POLI: variants seen among roughly 807,000 people sequenced by gnomAD.
The protein encoded by POLI is DNA polymerase iota.
In POLI, 58 loss-of-function variants were observed where a neutral mutation model predicts 51.6. The observed-to-expected ratio is 1.12, with a 90% CI of 0.91 to 1.40. POLI has a LOEUF of 1.40. Among genes scored for constraint, POLI ranks in the 40% most tolerant of loss-of-function variants. The probability of loss-of-function intolerance (pLI) is 0.00; values close to 1 mark genes in which losing one functional copy is unlikely to be tolerated. For synonymous variants in POLI, 322 were observed against 299.7 expected (o/e 1.07, Z -0.77); for missense variants, 921 against 871.3 (o/e 1.06, Z -0.72).
At chr18:54,283,763 T>TA in intron 6 of POLI, 159 bp from the exon 7 acceptor site, 1 of 450,538 alleles carries the variant, frequency 2.2e-6, no homozygotes. Flanking sequence ...AGCTTGCAGA[T>TA]AAAAAACTGT....
At chr18:54,306,641 A>C (rs1364167467) in intron 3 of POLI, among the ~76,000 whole-genome samples, 1 of 152,146 alleles carries the variant, frequency 6.6e-6, no homozygotes, top group African/African-American at 2.4e-5. Flanking sequence ...ATAGTTTCTG[A>C]AGGAATGGTA....
At chr18:54,283,395 A>G (rs1407147396) in intron 6 of POLI, among the ~76,000 whole-genome samples, 1 of 152,182 alleles carries the variant, frequency 6.6e-6, no homozygotes, top group Non-Finnish European at 1.5e-5. Flanking sequence ...CTATGGGACA[A>G]GCACTTTACT....
At chr18:54,313,251 A>G (rs1273178088) in intron 3 of POLI, among the ~76,000 whole-genome samples, 1 of 152,152 alleles carries the variant, frequency 6.6e-6, no homozygotes, top group African/African-American at 2.4e-5. Context: ...CAAAGATCAG[A>G]TGGTTGTAGG....
intron 7 of POLI, among the ~76,000 whole-genome samples, chr18:54,286,064 A>G (rs964811630): frequency 9.9e-5 from 15 of 151,846 alleles, no homozygotes; most frequent in African/African-American, 2.7e-4. Flanking sequence ...AGGTCTTGCT[A>G]TGTTGCCCAG....
At chr18:54,271,553 A>G (rs2087003280) in intron 2 of POLI, 68 bp downstream of exon 2, 1 of 1,062,556 alleles carries the variant, frequency 9.4e-7, no homozygotes. Flanking sequence ...TGCTCATTAT[A>G]TACTGATTTA....
At chr18:54,289,198 G>T (rs1205235724) in intron 8 of POLI, among the ~76,000 whole-genome samples, 16 of 132,696 alleles carry the variant, frequency 1.2e-4, no homozygotes, top group East Asian at 2.1e-4. Context: ...CTGCTCAAGT[G>T]TTTTTTTTTT....
In POLI at chr18:54,282,879, T is replaced by G; in HGVS notation, c.839T>G (p.Ile280Ser). 6.3e-7 allele frequency: 1 copy of G among 1,578,030 alleles called. No homozygotes were observed. The highest frequency in any genetic ancestry group is 8.6e-7 in the Non-Finnish European group (1 of 1,160,006). ...GCCAAATGTCTTGAAGCACTGGGTATCAATAGTGTGCGTGATCTCCAAACC... is the reference window on the plus strand; with the variant it reads ...GCCAAATGTCTTGAAGCACTGGGTAGCAATAGTGTGCGTGATCTCCAAACC... ...KTAKCLEALG[I>S]NSVRDLQTFS... Residue 280 changes from isoleucine (I) to serine (S), a missense_variant, in exon 6 of 10, where the codon ATC (isoleucine) becomes AGC (serine). Coordinates refer to ENST00000579534, the MANE Select transcript of POLI (RefSeq NM_007195.3).
Position 54,296,394 on chromosome 18 carries a change from A to C in POLI, c.*1927A>C. 1.0e-6 allele frequency: 1 copy of C among 982,330 alleles called. No homozygotes were observed. Among genetic ancestry groups the C allele is most frequent in the Non-Finnish European group, 1.2e-6 (1 of 827,122 alleles). 60.9% of individuals were successfully genotyped at this position (982,330 alleles called of 1,614,324 possible). On this transcript the variant is annotated 3_prime_UTR_variant, in exon 10 of 10. Transcript: ENST00000579534. ...CTCAACATCTTTGGGCCTCAGAATC[A>C]ACTTTTTTATGGGATCTTTTTTCTC...
chr18:54,270,046 C>T, intron 1 of POLI: 1 of 1,002,508 alleles, frequency 1.0e-6, no homozygotes. Context: ...GGACCCGGAT[C>T]TCAGTCCTGG....
At chr18:54,310,377 T>A (rs919902462) in intron 3 of POLI, among the ~76,000 whole-genome samples, 5 of 152,226 alleles carry the variant, frequency 3.3e-5, no homozygotes, top group Non-Finnish European at 7.3e-5. Context: ...CAAACTTAGA[T>A]TTAATCATTT....
At chr18:54,276,980 C>G (rs551874290) in intron 3 of POLI, among the ~76,000 whole-genome samples, 49 of 152,074 alleles carry the variant, frequency 3.2e-4, no homozygotes, top group Non-Finnish European at 6.6e-4. Context: ...AAAACTTTCT[C>G]AATGATTTTA....
downstream of POLI, among the ~76,000 whole-genome samples, chr18:54,299,878 A>G (rs756843621): frequency 6.6e-6 from 1 of 152,226 alleles, no homozygotes; most frequent in Non-Finnish European, 1.5e-5. Flanking sequence ...AAAAAGACAT[A>G]CTATTGCAGA....
chr18:54,270,105 ACGTCT>A, intron 1 of POLI: 1 of 908,612 alleles, frequency 1.1e-6, no homozygotes. Context: ...CGCTGTGGTC[ACGTCT>A]CCGGTGACCC....
intron 3 of POLI, among the ~76,000 whole-genome samples, chr18:54,319,953 G>A (rs2088773953): frequency 6.6e-6 from 1 of 151,990 alleles, no homozygotes; most frequent in Admixed American, 6.6e-5. Flanking sequence ...TGTGTAATTT[G>A]GTGATTTGTA....
At chr18:54,299,117 A>G (rs2088445370), downstream of POLI, among the ~76,000 whole-genome samples, 1 of 152,196 alleles carries the variant, frequency 6.6e-6, no homozygotes, top group Non-Finnish European at 1.5e-5. Flanking sequence ...ACAGTTGGGC[A>G]AAGTAGTGTA....
downstream of POLI, among the ~76,000 whole-genome samples, chr18:54,299,497 C>T (rs2088453898): frequency 6.6e-6 from 1 of 152,134 alleles, no homozygotes. Flanking sequence ...AAGTATCATA[C>T]TGCATATCAG....
At position 54,296,458 on chromosome 18, in the gene POLI, A is replaced by G; in HGVS notation, c.*1991A>G. On this transcript the variant is annotated 3_prime_UTR_variant, in exon 10 of 10. Transcript: ENST00000579534. Reference sequence around the variant, plus strand: ...ATCTCTTTTTTCTTTGGTGCTTTGCAGGTTTACTGTATTATTTGGAAGTGC... The same window carrying G: ...ATCTCTTTTTTCTTTGGTGCTTTGCGGGTTTACTGTATTATTTGGAAGTGC... 2 of 718,546 alleles carry G rather than the reference A, an allele frequency of 2.8e-6. No individual in the cohort carries two copies. Among genetic ancestry groups the G allele is most frequent in the Non-Finnish European group, 3.4e-6 (2 of 586,636 alleles). 44.5% of individuals were successfully genotyped at this position (718,546 alleles called of 1,614,324 possible). A position where few individuals can be genotyped will look rare whatever the true frequency, so the allele number is the denominator to read the frequency against.
At chr18:54,308,265 A>G (rs2088620319) in intron 3 of POLI, among the ~76,000 whole-genome samples, 1 of 152,160 alleles carries the variant, frequency 6.6e-6, no homozygotes, top group Non-Finnish European at 1.5e-5. Context: ...GAGCTCTTGT[A>G]AGGCAGGCCT....
chr18:54,286,220 A>G (rs550030846), intron 7 of POLI, among the ~76,000 whole-genome samples: 1 of 152,256 alleles, frequency 6.6e-6, no homozygotes, highest in East Asian at 1.9e-4. Flanking sequence ...ACAATGTGCA[A>G]TACTTGCATT....
Sources: gnomAD v4.1 joint callset for allele counts (sites outside exome capture counted in the v4.1 genomes callset) on GRCh38, gnomAD v4.1.1 for gene constraint, MANE v1.5 for transcripts, NCBI Gene and HGNC (gene_info 2026-07-23, HGNC 2026-07-21) for gene names.